Variants in ROBO2 observed in about 807,000 individuals in gnomAD.
ROBO2 encodes roundabout homolog 2.
ROBO2 carries 53 observed loss-of-function variants against 160.8 expected under a neutral mutation model. The observed-to-expected ratio is 0.33, with a 90% confidence interval of 0.26 to 0.41. The LOEUF is 0.41. Ranked by LOEUF, ROBO2 falls within the 10% of genes least tolerant of loss-of-function variation. The pLI, the probability that ROBO2 is intolerant of heterozygous loss-of-function variation, is 1.00. For missense variants in ROBO2, 1,577 were observed against 1,722.4 expected (o/e 0.92, Z 1.49); for synonymous variants, 664 against 611.7 (o/e 1.09, Z -1.26).
intron 2 of ROBO2, among the ~76,000 whole-genome samples, chr3:76,150,297 A>G (rs959675200): frequency 2.7e-5 from 4 of 150,674 alleles, no homozygotes; most frequent in South Asian, 4.2e-4. Context: ...TAAAACACAC[A>G]TCTGTCTAAA....
chr3:77,100,063 C>T (rs2071689495), intron 2 of ROBO2, among the ~76,000 whole-genome samples: 1 of 151,868 alleles, frequency 6.6e-6, no homozygotes, highest in Non-Finnish European at 1.5e-5. Flanking sequence ...AAAAATTGAC[C>T]TGTCATTTTG....
chr3:77,610,741 C>CAAAAAAAAAAAAAAAAAAAAAAAAAAA (rs71629658), intron 21 of ROBO2, among the ~76,000 whole-genome samples: 31 of 19,820 alleles, frequency 1.6e-3, no homozygotes, highest in East Asian at 2.2e-3. Flanking sequence ...GGCCAAAGAC[C>CAAAAAAAAAAAAAAAAAAAAAAAAAAA]AAAAAAAAAA....
intron 1 of ROBO2, among the ~76,000 whole-genome samples, chr3:77,073,611 G>A (rs1036892033): frequency 6.6e-6 from 1 of 152,176 alleles, no homozygotes; most frequent in African/African-American, 2.4e-5. Flanking sequence ...CCACTTTAAA[G>A]CAATCCACTT....
intron 1 of ROBO2, among the ~76,000 whole-genome samples, chr3:77,081,637 A>G (rs1281031490): frequency 2.0e-5 from 3 of 152,170 alleles, no homozygotes; most frequent in Non-Finnish European, 4.4e-5. Flanking sequence ...TATTTTTGTT[A>G]TGTTGAAGGG....
chr3:76,033,325 C>T (rs545267645), intron 2 of ROBO2, among the ~76,000 whole-genome samples: 45 of 152,000 alleles, frequency 3.0e-4, no homozygotes, highest in African/African-American at 8.2e-4. Context: ...GACATATCAC[C>T]GACCAGGATA....
At chr3:77,410,582 CTCCTCCTCCTCT>C (rs2076654719) in intron 2 of ROBO2, among the ~76,000 whole-genome samples, 1 of 143,960 alleles carries the variant, frequency 6.9e-6, no homozygotes, top group Non-Finnish European at 1.5e-5. Flanking sequence ...CCTCCTCTTC[CTCCTCCTCCTCT>C]TCCTCCTCCT....
intron 2 of ROBO2, among the ~76,000 whole-genome samples, chr3:76,914,409 T>C (rs2076184605): frequency 6.6e-6 from 1 of 152,088 alleles, no homozygotes; most frequent in Non-Finnish European, 1.5e-5. Flanking sequence ...AGCAGAGAAA[T>C]AGGAAAGTTT....
chr3:76,884,159 A>C (rs2073645814), intron 2 of ROBO2, among the ~76,000 whole-genome samples: 1 of 152,204 alleles, frequency 6.6e-6, no homozygotes, highest in South Asian at 2.1e-4. Flanking sequence ...TTAAGTTTAA[A>C]TTTGGCATAA....
At chr3:76,316,517 G>A (rs1185452935) in intron 2 of ROBO2, among the ~76,000 whole-genome samples, 4 of 152,028 alleles carry the variant, frequency 2.6e-5, no homozygotes, top group South Asian at 2.1e-4. Flanking sequence ...CCTGAAAATC[G>A]CTGTTATTCT....
intron 2 of ROBO2, among the ~76,000 whole-genome samples, chr3:76,222,777 T>G (rs1475255838): frequency 1.3e-5 from 2 of 151,770 alleles, no homozygotes; most frequent in East Asian, 3.9e-4. Flanking sequence ...TTTTTTCAGA[T>G]GGAGTCTCCT....
chr3:77,443,632 T>A (rs182045289), intron 2 of ROBO2, among the ~76,000 whole-genome samples: 6 of 151,640 alleles, frequency 4.0e-5, no homozygotes, highest in Non-Finnish European at 7.4e-5. Flanking sequence ...AAAAATACTA[T>A]AATTTTTTTT....
chr3:76,142,673 TG>T (rs972417407), intron 2 of ROBO2, among the ~76,000 whole-genome samples: 4 of 151,844 alleles, frequency 2.6e-5, no homozygotes, highest in African/African-American at 4.8e-5. Context: ...GGAAGGGTAA[TG>T]GGGGGCTAGT....
At chr3:76,896,468 CA>C (rs1203336806) in intron 2 of ROBO2, among the ~76,000 whole-genome samples, 1 of 151,806 alleles carries the variant, frequency 6.6e-6, no homozygotes, top group Non-Finnish European at 1.5e-5. Context: ...CAAATATTAG[CA>C]AGACAAATAA....
At chr3:77,620,342 A>G (rs542076811) in intron 22 of ROBO2, among the ~76,000 whole-genome samples, 1 of 152,332 alleles carries the variant, frequency 6.6e-6, no homozygotes, top group South Asian at 2.1e-4. Context: ...GAAGATATTT[A>G]TAAATGTTAT....
chr3:77,381,133 G>T (rs1404051931), intron 2 of ROBO2, among the ~76,000 whole-genome samples: 1 of 152,196 alleles, frequency 6.6e-6, no homozygotes, highest in Non-Finnish European at 1.5e-5. Flanking sequence ...GGCTAACACG[G>T]TGAAACCCCG....
intron 2 of ROBO2, among the ~76,000 whole-genome samples, chr3:76,339,709 C>T (rs901992540): frequency 1.3e-5 from 2 of 152,040 alleles, no homozygotes; most frequent in Non-Finnish European, 2.9e-5. Flanking sequence ...ATAGTAAACG[C>T]ATGCTGTGTG....
At chr3:76,854,262 T>C (rs972846822) in intron 2 of ROBO2, among the ~76,000 whole-genome samples, 2 of 152,122 alleles carry the variant, frequency 1.3e-5, no homozygotes, top group African/African-American at 4.8e-5. Context: ...ACCTGCTCCC[T>C]ATTAATAGAA....
At chr3:76,035,469 C>A (rs7625913) in intron 2 of ROBO2, among the ~76,000 whole-genome samples, 43,491 of 151,484 alleles carry the variant, frequency 0.29, 9,216 homozygotes, top group African/African-American at 0.6. Context: ...TAGAAGGTGA[C>A]TGTGATCAGT....
At chr3:77,086,644 C>T (rs1267369396) in intron 1 of ROBO2, among the ~76,000 whole-genome samples, 2 of 151,980 alleles carry the variant, frequency 1.3e-5, no homozygotes, top group African/African-American at 4.8e-5. Context: ...ATATTTGCAC[C>T]TTAGGCCAAA....
Sources: gnomAD v4.1 joint callset for allele counts (sites outside exome capture counted in the v4.1 genomes callset) on GRCh38, gnomAD v4.1.1 for gene constraint, MANE v1.5 for transcripts, NCBI Gene and HGNC (gene_info 2026-07-23, HGNC 2026-07-21) for gene names.